EIF2AK4: variants seen among roughly 807,000 people sequenced by gnomAD.
EIF2AK4 encodes the protein eIF-2-alpha kinase GCN2.
A neutral mutation model predicts 211.1 loss-of-function variants in EIF2AK4; 139 were observed. The observed-to-expected ratio is 0.66, with a 90% CI of 0.57 to 0.76. EIF2AK4 has a LOEUF of 0.76. Ranked by LOEUF, EIF2AK4 falls within the 30% of genes least tolerant of loss-of-function variation. The pLI is 0.00. For missense variants in EIF2AK4, 1,664 were observed against 2,043.8 expected, an observed-to-expected ratio of 0.81 and a Z score of 3.58; for synonymous variants, 710 against 751.3, an observed-to-expected ratio of 0.94 and a Z score of 0.90.
intron 9 of EIF2AK4, among the ~76,000 whole-genome samples, chr15:39,972,418 G>C (rs2034637674): frequency 6.6e-6 from 1 of 150,528 alleles, no homozygotes; most frequent in Non-Finnish European, 1.5e-5. Context: ...CTTTAAAAAA[G>C]CCTTCCCTAA....
intron 5 of EIF2AK4, 110 bp downstream of exon 5, chr15:39,954,094 T>C: frequency 1.1e-6 from 1 of 913,220 alleles, no homozygotes; most frequent in East Asian, 2.8e-5. Flanking sequence ...AATAAAGCAC[T>C]AAAAATAAAT....
chr15:40,003,282 G>A lies in EIF2AK4; in HGVS notation c.3325G>A (p.Gly1109Arg), dbSNP rs771359303. Residue 1109 changes from glycine (G) to arginine (R), a missense_variant, in exon 23 of 39, where the codon GGG (glycine) becomes AGG (arginine). Coordinates refer to ENST00000263791, the MANE Select transcript of EIF2AK4 (RefSeq NM_001013703.4). ...NEAALFMDHS[G>R]MLVMLPFDLR... The stretch of plus-strand genomic sequence containing the variant: ...AGCTGCCCTATTCATGGACCACAGC[G>A]GGATGCTGGTGATGCTTCCTTTTGA... 13 of 1,614,158 alleles carry A rather than the reference G, an allele frequency of 8.1e-6. No homozygotes were observed. The highest frequency in any genetic ancestry group is 2.2e-5 in the South Asian group (2 of 91,082).
intron 27 of EIF2AK4, among the ~76,000 whole-genome samples, chr15:40,013,528 G>A (rs1012966819): frequency 6.6e-6 from 1 of 151,820 alleles, no homozygotes; most frequent in Non-Finnish European, 1.5e-5. Flanking sequence ...GTCTTATATG[G>A]ATGGCAGAAG....
In EIF2AK4 at chr15:39,997,407, C is replaced by G. The variant is rs76727511; in HGVS notation, c.2868+342C>G. ...ACCTCTGATGATGGGAAACTTGCCC[C>G]AGTTTTGTTTGTTTTTGGAAATCTT... On this transcript the variant is annotated intron_variant, in intron 19 of 38. Transcript: ENST00000263791. Among the ~76,000 whole-genome samples the G allele has an allele frequency of 0.014, 2,082 of 152,212 alleles. 44 individuals are homozygous for G. The highest frequency in any genetic ancestry group is 0.048 in the African/African-American group (1,988 of 41,526).
intron 32 of EIF2AK4, among the ~76,000 whole-genome samples, chr15:40,024,246 T>A (rs2035433248): frequency 6.7e-6 from 1 of 148,596 alleles, no homozygotes; most frequent in African/African-American, 2.6e-5. Context: ...GGGGGTCTCA[T>A]CATGTTGCCC....
intron 4 of EIF2AK4, among the ~76,000 whole-genome samples, chr15:39,953,094 CCT>C (rs1470352859): frequency 6.6e-6 from 1 of 152,180 alleles, no homozygotes; most frequent in Admixed American, 6.5e-5. Context: ...GATCCATCCA[CCT>C]TGGCCTCCCA....
At chr15:39,941,171 T>G (rs1445660283) in intron 2 of EIF2AK4, among the ~76,000 whole-genome samples, 1 of 152,162 alleles carries the variant, frequency 6.6e-6, no homozygotes, top group Non-Finnish European at 1.5e-5. Context: ...GGTTTCATTA[T>G]GTAGAGATGA....
At chr15:39,973,562 A>T (rs761001467) in intron 10 of EIF2AK4, 30 bp from the exon 11 acceptor site, 1 of 1,588,432 alleles carries the variant, frequency 6.3e-7, no homozygotes, top group African/African-American at 1.4e-5. Context: ...CCAATGCCTC[A>T]TGTGCCTCTT....
At chr15:40,018,696 A>T (rs2035342565) in intron 29 of EIF2AK4, among the ~76,000 whole-genome samples, 2 of 152,180 alleles carry the variant, frequency 1.3e-5, no homozygotes, top group Non-Finnish European at 1.5e-5. Context: ...ATCTTATTTA[A>T]CTTAGTATAT....
intron 18 of EIF2AK4, 94 bp from the exon 19 acceptor site, chr15:39,996,870 C>A: frequency 1.1e-6 from 1 of 920,470 alleles, no homozygotes; most frequent in Non-Finnish European, 1.8e-6. Flanking sequence ...CTCCTACAAA[C>A]TTTATTTCAG....
At chr15:39,981,239 G>A (rs561606121) in intron 13 of EIF2AK4, among the ~76,000 whole-genome samples, 8 of 151,896 alleles carry the variant, frequency 5.3e-5, no homozygotes, top group Non-Finnish European at 8.8e-5. Context: ...GCATGGTGGC[G>A]GGCACCTGTA....
At chr15:39,952,892 G>A (rs1444956306) in intron 4 of EIF2AK4, among the ~76,000 whole-genome samples, 2 of 152,090 alleles carry the variant, frequency 1.3e-5, no homozygotes, top group African/African-American at 2.4e-5. Flanking sequence ...CTGTTGCCCA[G>A]ACTGGAGTAC....
rs548124125 is a variant in EIF2AK4, at chr15:39,998,276, T to G, written c.2869-455T>G. 8.3e-4 allele frequency among the ~76,000 whole-genome samples: 124 copies of G among 148,908 alleles called. 1 individual carries two copies. Among genetic ancestry groups the G allele is most frequent in the African/African-American group, 3.0e-3 (121 of 40,634 alleles). On this transcript the variant is annotated intron_variant, in intron 19 of 38. Transcript: ENST00000263791. ...GGTGTGGTTTTTTTTTTTTGTTTTG[T>G]TTTTTTTTGCCTTTTTTCATCTGCA...
intron 25 of EIF2AK4, 39 bp from the exon 26 acceptor site, chr15:40,009,575 C>T: frequency 7.3e-7 from 1 of 1,363,062 alleles, no homozygotes; most frequent in South Asian, 1.3e-5. Flanking sequence ...CCAGTAATTG[C>T]TTTTATAATG....
chr15:39,946,144 C>T (rs1043616491), intron 3 of EIF2AK4, among the ~76,000 whole-genome samples: 5 of 152,198 alleles, frequency 3.3e-5, no homozygotes, highest in African/African-American at 1.2e-4. Flanking sequence ...ATACATTTTA[C>T]AAGCTTATTG....
rs34298786 is a variant in EIF2AK4 at position 39,976,851 on chromosome 15, G to A, written c.2249+7G>A. The A allele has an allele frequency of 0.34, 513,125 of 1,497,880 alleles. 89,125 individuals are homozygous for A. Among genetic ancestry groups the A allele is most frequent in the Middle Eastern group, 0.38 (2,145 of 5,606 alleles). 92.8% of individuals were successfully genotyped at this position (1,497,880 alleles called of 1,614,324 possible). ...TCTTCTCCCAGTCCTTCCTGTAAGC[G>A]CACGGCGCGGACCAGCTGCCTCTGA... On this transcript the variant is annotated splice_region_variant and intron_variant, in intron 12 of 38. Coordinates refer to ENST00000263791, the MANE Select transcript of EIF2AK4 (RefSeq NM_001013703.4).
chr15:39,941,142 G>A (rs947983664), intron 2 of EIF2AK4, among the ~76,000 whole-genome samples: 19 of 152,068 alleles, frequency 1.2e-4, no homozygotes, highest in African/African-American at 1.9e-4. Flanking sequence ...GAACCCTGTC[G>A]TTTAGGGGTT....
chr15:40,002,940 C>T, intron 22 of EIF2AK4, 152 bp downstream of exon 22: 4 of 1,082,856 alleles, frequency 3.7e-6, no homozygotes, highest in Non-Finnish European at 5.3e-6. Context: ...ATTTTTGAAA[C>T]TGATTTGAAT....
intron 13 of EIF2AK4, 57 bp from the exon 14 acceptor site, chr15:39,985,748 T>C (rs548190101): frequency 1.3e-6 from 2 of 1,558,746 alleles, no homozygotes; most frequent in East Asian, 2.2e-5. Flanking sequence ...ATGATGGTGA[T>C]GATTTTGCTT....
Sources: gnomAD v4.1 joint callset for allele counts (sites outside exome capture counted in the v4.1 genomes callset) on GRCh38, gnomAD v4.1.1 for gene constraint, MANE v1.5 for transcripts, NCBI Gene and HGNC (gene_info 2026-07-23, HGNC 2026-07-21) for gene names.